Variants in TMEM132B observed in about 807,000 individuals in gnomAD.
TMEM132B encodes the protein transmembrane protein 132B.
TMEM132B carries 18 observed loss-of-function variants against 90.8 expected under a neutral mutation model. The observed-to-expected ratio is 0.20, with a 90% CI of 0.14 to 0.29. The LOEUF is 0.29. TMEM132B is among the 10% of genes least tolerant of loss of function. The probability of loss-of-function intolerance (pLI) is 1.00; values close to 1 mark genes in which losing one functional copy is unlikely to be tolerated. For synonymous variants in TMEM132B, 504 were observed against 523.3 expected, an observed-to-expected ratio of 0.96 and a Z score of 0.50; for missense variants, 1,096 against 1,326.8, an observed-to-expected ratio of 0.83 and a Z score of 2.70.
At chr12:125,355,413 A>G (rs571057566) in intron 2 of TMEM132B, among the ~76,000 whole-genome samples, 1 of 152,070 alleles carries the variant, frequency 6.6e-6, no homozygotes, top group Admixed American at 6.6e-5. Flanking sequence ...TTGGGAGCAC[A>G]GTTGGCTTTC....
rs186427306 is a variant in TMEM132B at position 125,197,006 on chromosome 12, A to G, written c.67+10140A>G. ...ATCACTAAGATTTTTGTTTTTAATT[A>G]ACTTTTATTTTAAGTTCAGGGGTAC... is the stretch of plus-strand genomic sequence containing the variant. On this transcript the variant is annotated intron_variant, in intron 1 of 8. Transcript: ENST00000682704. 7.9e-5 allele frequency among the ~76,000 whole-genome samples: 12 copies of G among 152,246 alleles called. No individual in the cohort carries two copies. In the East Asian group the frequency reaches 1.9e-3, roughly 24 times the overall value.
At chr12:125,217,939 T>C (rs1873474346) in intron 1 of TMEM132B, among the ~76,000 whole-genome samples, 1 of 152,184 alleles carries the variant, frequency 6.6e-6, no homozygotes, top group Non-Finnish European at 1.5e-5. Context: ...TAGCCTAAAC[T>C]GATTAAGCAA....
chr12:125,587,672 CA>C (rs1324718744), intron 5 of TMEM132B: 2 of 152,150 alleles, frequency 1.3e-5, no homozygotes, highest in Non-Finnish European at 2.9e-5. Flanking sequence ...GGATATTTGT[CA>C]TTTCTGGTCA....
At chr12:125,231,783 T>G (rs960982278) in intron 1 of TMEM132B, among the ~76,000 whole-genome samples, 5 of 151,686 alleles carry the variant, frequency 3.3e-5, no homozygotes, top group African/African-American at 1.2e-4. Flanking sequence ...ACCCAAAGGC[T>G]TACAATCTTT....
In TMEM132B at chr12:125,564,758, T is replaced by C. The variant is rs556761534; in HGVS notation, c.1294-19093T>C. On this transcript the variant is annotated intron_variant, in intron 4 of 8. Coordinates refer to ENST00000682704, the MANE Select transcript of TMEM132B (RefSeq NM_001366854.1). Reference sequence around the variant, plus strand: ...GGTCTTTACTAATTTGTTCAAATGTTCTTCATATTCCCAGACTTGTGCTAG... The same window carrying C: ...GGTCTTTACTAATTTGTTCAAATGTCCTTCATATTCCCAGACTTGTGCTAG... Among the ~76,000 whole-genome samples, 37 of 152,378 alleles carry C rather than the reference T, an allele frequency of 2.4e-4. No individual in the cohort carries two copies. The South Asian group carries it at 7.5e-3, about 31-fold the overall frequency.
At chr12:125,591,876 C>T (rs1010101500) in intron 5 of TMEM132B, among the ~76,000 whole-genome samples, 1 of 152,176 alleles carries the variant, frequency 6.6e-6, no homozygotes, top group Non-Finnish European at 1.5e-5. Flanking sequence ...AGGATGGTCT[C>T]TTCTTGAGAT....
intron 4 of TMEM132B, among the ~76,000 whole-genome samples, chr12:125,545,260 A>G (rs915204689): frequency 1.3e-5 from 2 of 152,160 alleles, no homozygotes; most frequent in Non-Finnish European, 2.9e-5. Context: ...TAAATTAGTT[A>G]AGAAGTGCCT....
At chr12:125,432,774 G>A (rs1042314153) in intron 3 of TMEM132B, among the ~76,000 whole-genome samples, 1 of 151,976 alleles carries the variant, frequency 6.6e-6, no homozygotes, top group African/African-American at 2.4e-5. Context: ...TTGATGGGCC[G>A]GCCTTGGTGG....
intron 3 of TMEM132B, among the ~76,000 whole-genome samples, chr12:125,468,574 C>G (rs577115791): frequency 6.6e-5 from 10 of 152,166 alleles, no homozygotes; most frequent in Non-Finnish European, 1.5e-4. Flanking sequence ...TTGACCAATA[C>G]GTGAGGGCTT....
intron 3 of TMEM132B, among the ~76,000 whole-genome samples, chr12:125,494,025 T>TG (rs1882434713): frequency 8.2e-6 from 1 of 122,490 alleles, no homozygotes; most frequent in Non-Finnish European, 1.7e-5. Context: ...CCCTCCTCCC[T>TG]GAAAATGGAT....
chr12:125,634,562 C>T (rs1410473816), intron 5 of TMEM132B, among the ~76,000 whole-genome samples: 1 of 152,230 alleles, frequency 6.6e-6, no homozygotes, highest in Non-Finnish European at 1.5e-5. Flanking sequence ...CTCAGAGGCT[C>T]AGCCATGGCC....
chr12:125,425,999 GT>G (rs1409277376), intron 3 of TMEM132B, among the ~76,000 whole-genome samples: 2 of 152,184 alleles, frequency 1.3e-5, no homozygotes, highest in Admixed American at 6.5e-5. Context: ...ATAAGAATAT[GT>G]TTAGTTTTGT....
chr12:125,580,345 T>C (rs574821880), intron 4 of TMEM132B, among the ~76,000 whole-genome samples: 1 of 152,230 alleles, frequency 6.6e-6, no homozygotes, highest in African/African-American at 2.4e-5. Context: ...GCCTGGCAAG[T>C]ATCTCTAGGG....
chr12:125,466,709 G>A (rs1881570887), intron 3 of TMEM132B, among the ~76,000 whole-genome samples: 1 of 152,246 alleles, frequency 6.6e-6, no homozygotes, highest in Non-Finnish European at 1.5e-5. Flanking sequence ...TTATCACTTG[G>A]AATGGCAGAT....
At chr12:125,456,718 C>G (rs1566042068) in intron 3 of TMEM132B, among the ~76,000 whole-genome samples, 3 of 152,200 alleles carry the variant, frequency 2.0e-5, no homozygotes, top group South Asian at 2.1e-4. Flanking sequence ...TGCAGTCTCT[C>G]TGTGCTCCCT....
intron 3 of TMEM132B, among the ~76,000 whole-genome samples, chr12:125,448,735 A>C (rs1161652021): frequency 6.6e-6 from 1 of 152,184 alleles, no homozygotes; most frequent in East Asian, 1.9e-4. Flanking sequence ...TTAATTTTAT[A>C]AGAAACTCCC....
At chr12:125,274,252 C>T (rs1303400842) in intron 1 of TMEM132B, among the ~76,000 whole-genome samples, 1 of 152,150 alleles carries the variant, frequency 6.6e-6, no homozygotes. Context: ...TATGCTCTTC[C>T]ATTCTAGGAA....
intron 4 of TMEM132B, among the ~76,000 whole-genome samples, chr12:125,554,722 T>A (rs1884327393): frequency 6.6e-6 from 1 of 152,224 alleles, no homozygotes; most frequent in South Asian, 2.1e-4. Flanking sequence ...CTGAGTTCAC[T>A]GTCCTCACAT....
At chr12:125,374,239 CT>C (rs1452963591) in intron 2 of TMEM132B, among the ~76,000 whole-genome samples, 1 of 152,188 alleles carries the variant, frequency 6.6e-6, no homozygotes, top group African/African-American at 2.4e-5. Context: ...ATGAAGAACA[CT>C]GTTAGTGCAA....
Sources: gnomAD v4.1 joint callset for allele counts (sites outside exome capture counted in the v4.1 genomes callset) on GRCh38, gnomAD v4.1.1 for gene constraint, MANE v1.5 for transcripts, NCBI Gene and HGNC (gene_info 2026-07-23, HGNC 2026-07-21) for gene names.